GPC3: variants seen among roughly 807,000 people sequenced by gnomAD.
The protein encoded by GPC3 is glypican 3, also known as glypican-3.
In GPC3, 3 loss-of-function variants were observed where a neutral mutation model predicts 34.4. That is an observed-to-expected ratio of 0.09 (90% CI 0.04 to 0.23). The LOEUF is 0.23. GPC3 is among the 10% of genes least tolerant of loss of function. GPC3 has a pLI of 1.00. For missense variants in GPC3, 351 were observed against 445.6 expected (o/e 0.79, Z 1.91); for synonymous variants, 177 against 174.0 (o/e 1.02, Z -0.13).
intron 2 of GPC3, among the ~76,000 whole-genome samples, chrX:133,841,215 A>ATTTTTTTTTTTTTTTTTT (rs769696321): frequency 0.036 from 1,416 of 39,189 alleles, 456 homozygotes; most frequent in Non-Finnish European, 0.06. Flanking sequence ...TAATCTTTTA[A>ATTTTTTTTTTTTTTTTTT]TTTTTTTTTT....
chrX:133,922,971 A>G (rs1465090981), intron 2 of GPC3, among the ~76,000 whole-genome samples: 1 of 111,105 alleles, frequency 9.0e-6, no homozygotes, highest in Non-Finnish European at 1.9e-5. Context: ...ATGAAGGTCT[A>G]AGAGGATAAG....
chrX:133,780,846 G>A (rs1488535592), intron 2 of GPC3, among the ~76,000 whole-genome samples: 2 of 111,281 alleles, frequency 1.8e-5, no homozygotes, highest in Non-Finnish European at 3.8e-5. Context: ...ATAAAAACTT[G>A]CAAATAGGAG....
intron 2 of GPC3, among the ~76,000 whole-genome samples, chrX:133,865,880 C>T (rs1043710817): frequency 3.6e-5 from 4 of 112,015 alleles, no homozygotes; most frequent in African/African-American, 9.7e-5. Flanking sequence ...AAAGCTACAG[C>T]GATGTCTGGA....
intron 7 of GPC3, among the ~76,000 whole-genome samples, chrX:133,578,212 T>A (rs186273638): frequency 4.5e-5 from 5 of 112,252 alleles, no homozygotes; most frequent in African/African-American, 1.6e-4. Context: ...AGTGACCTCA[T>A]CCTCAACAAC....
At chrX:133,660,481 G>A (rs1165878666) in intron 6 of GPC3, among the ~76,000 whole-genome samples, 1 of 111,605 alleles carries the variant, frequency 9.0e-6, no homozygotes, top group Non-Finnish European at 1.9e-5. Context: ...TTCTATTTGT[G>A]TCTTGTTACT....
intron 3 of GPC3, among the ~76,000 whole-genome samples, chrX:133,719,990 T>C (rs57616162): frequency 0.046 from 5,159 of 111,461 alleles, 312 homozygotes; most frequent in African/African-American, 0.16. Flanking sequence ...GAAATGCAAA[T>C]TCAAACCACG....
At chrX:133,934,305 C>T (rs2076312908) in intron 2 of GPC3, among the ~76,000 whole-genome samples, 1 of 109,771 alleles carries the variant, frequency 9.1e-6, no homozygotes, top group Admixed American at 9.8e-5. Flanking sequence ...AAGCGATTCT[C>T]CTGCCTCAGC....
chrX:133,903,117 C>G (rs777666374), intron 2 of GPC3, among the ~76,000 whole-genome samples: 4 of 107,050 alleles, frequency 3.7e-5, no homozygotes, highest in Admixed American at 3.0e-4. Context: ...TGCCACTGCA[C>G]TCCAGCCTGG....
At chrX:133,570,863 G>A (rs1181682748) in intron 7 of GPC3, among the ~76,000 whole-genome samples, 1 of 111,087 alleles carries the variant, frequency 9.0e-6, no homozygotes, top group East Asian at 2.8e-4. Flanking sequence ...ATATTCTGTG[G>A]TTGGATTTTA....
chrX:133,721,219 T>C (rs1284414438), intron 3 of GPC3, among the ~76,000 whole-genome samples: 2 of 107,957 alleles, frequency 1.9e-5, no homozygotes, highest in Non-Finnish European at 3.8e-5. Context: ...TGAATAAAAG[T>C]AAAAGCTGGT....
chrX:133,551,710 T>C (rs1299890716), intron 7 of GPC3, among the ~76,000 whole-genome samples: 1 of 111,642 alleles, frequency 9.0e-6, no homozygotes, highest in Non-Finnish European at 1.9e-5. Context: ...GAGATTCCAG[T>C]ATCTCCTTCT....
intron 7 of GPC3, among the ~76,000 whole-genome samples, chrX:133,564,480 T>C (rs1457164012): frequency 2.7e-5 from 3 of 111,344 alleles, no homozygotes; most frequent in Non-Finnish European, 5.6e-5. Context: ...CTCATCCCTT[T>C]CTAGTGATGC....
At chrX:133,539,579 C>T (rs900878930) in intron 7 of GPC3, among the ~76,000 whole-genome samples, 7 of 112,123 alleles carry the variant, frequency 6.2e-5, no homozygotes, top group Admixed American at 4.8e-4. Flanking sequence ...ACAATGATGG[C>T]CAAAGCCATT....
chrX:133,708,798 T>C lies in GPC3; in HGVS notation c.1033-8770A>G, dbSNP rs995933898. On this transcript the variant is annotated intron_variant, in intron 3 of 7. Transcript: ENST00000370818. ...ACTTTCACAAAGTTAATGACATTTT[T>C]AGGCCTAATGCTTTTCCTTTAAATA... 1.1e-4 allele frequency among the ~76,000 whole-genome samples: 12 copies of C among 112,382 alleles called. No individual in the cohort carries two copies. The East Asian group carries it at 3.3e-3, about 31-fold the overall frequency.
intron 7 of GPC3, among the ~76,000 whole-genome samples, chrX:133,545,097 C>G (rs923065436): frequency 1.8e-5 from 2 of 111,345 alleles, no homozygotes; most frequent in African/African-American, 6.5e-5. Context: ...ATCTCATTCC[C>G]ATGGGAAATG....
chrX:133,642,277 C>T lies in GPC3; in HGVS notation c.1413+19453G>A, dbSNP rs751763448. Among the ~76,000 whole-genome samples the T allele has an allele frequency of 1.9e-4, 21 of 111,762 alleles. No homozygotes were observed. In the South Asian group the frequency reaches 8.0e-3, roughly 42 times the overall value. The stretch of plus-strand genomic sequence containing the variant: ...TGTTTTTAGCACTACCATATATGTG[C>T]TACTGTACCTTATTCCCAGAATATT... On this transcript the variant is annotated intron_variant, in intron 6 of 7. Transcript: ENST00000370818.
At chrX:133,542,005 C>A (rs951276090) in intron 7 of GPC3, among the ~76,000 whole-genome samples, 1 of 111,871 alleles carries the variant, frequency 8.9e-6, no homozygotes, top group Admixed American at 9.5e-5. Context: ...GCTCTTGCAG[C>A]CCACTGAGGG....
intron 2 of GPC3, among the ~76,000 whole-genome samples, chrX:133,790,930 A>G (rs999517007): frequency 8.9e-6 from 1 of 111,785 alleles, no homozygotes; most frequent in Non-Finnish European, 1.9e-5. Flanking sequence ...GGCATGAAAG[A>G]TGGTGTGGGT....
chrX:133,700,226 C>T (rs903764619), intron 3 of GPC3, among the ~76,000 whole-genome samples, 198 bp from the exon 4 acceptor site: 12 of 111,435 alleles, frequency 1.1e-4, no homozygotes, highest in African/African-American at 3.6e-4. Context: ...AATGGGGGCC[C>T]CATTCTAAGT....
Sources: allele counts gnomAD v4.1 joint callset (sites outside exome capture counted in the v4.1 genomes callset), GRCh38; gene constraint gnomAD v4.1.1; transcripts MANE v1.5; gene names NCBI Gene and HGNC (gene_info 2026-07-23, HGNC 2026-07-21).